PPP1R1C: variants seen among roughly 807,000 people sequenced by gnomAD.
The protein encoded by PPP1R1C is protein phosphatase 1 regulatory inhibitor subunit 1C, also known as protein phosphatase 1 regulatory subunit 1C.
In PPP1R1C, 15 loss-of-function variants were observed where a neutral mutation model predicts 17.4. The observed-to-expected ratio is 0.86, with a 90% confidence interval of 0.58 to 1.33. The LOEUF (loss-of-function observed/expected upper bound fraction) is 1.33, where lower values mean the gene tolerates loss of function less well. Ranked by LOEUF, PPP1R1C falls within the 40% of genes most tolerant of loss-of-function variation. PPP1R1C has a pLI of 0.00. For synonymous variants in PPP1R1C, 35 were observed against 43.1 expected (o/e 0.81, Z 0.73); for missense variants, 143 against 130.0 (o/e 1.10, Z -0.48).
chr2:182,091,315 T>C (rs147272194), intron 4 of PPP1R1C, among the ~76,000 whole-genome samples: 24 of 152,238 alleles, frequency 1.6e-4, no homozygotes, highest in Non-Finnish European at 2.8e-4. Flanking sequence ...GATGAAATAT[T>C]AAAATGTAAG....
chr2:182,024,250 T>C lies in PPP1R1C; in HGVS notation c.142+36351T>C, dbSNP rs948278027. On this transcript the variant is annotated intron_variant, in intron 2 of 4. Coordinates refer to ENST00000682840, the MANE Select transcript of PPP1R1C (RefSeq NM_001080545.3). ...GTGATACAAACAGTATTTGTGAGTG[T>C]ATATCAATCCTTAGAATTAAGGTTA... 1.1e-3 allele frequency among the ~76,000 whole-genome samples: 162 copies of C among 152,204 alleles called. 15 individuals carry two copies. The highest frequency in any genetic ancestry group is 1.9e-4 in the Non-Finnish European group (13 of 68,024).
At chr2:182,076,503 G>A (rs571169429) in intron 4 of PPP1R1C, among the ~76,000 whole-genome samples, 1 of 151,764 alleles carries the variant, frequency 6.6e-6, no homozygotes, top group Middle Eastern at 3.4e-3. Context: ...AATAATATAT[G>A]TAAAAATCAG....
At chr2:181,974,511 C>G (rs939984411) in intron 1 of PPP1R1C, among the ~76,000 whole-genome samples, 2 of 152,178 alleles carry the variant, frequency 1.3e-5, no homozygotes, top group Admixed American at 1.3e-4. Flanking sequence ...TGTGATCATA[C>G]TCCCTTGCAC....
intron 2 of PPP1R1C, among the ~76,000 whole-genome samples, chr2:182,053,690 A>G (rs1214625743): frequency 6.6e-6 from 1 of 152,018 alleles, no homozygotes; most frequent in Non-Finnish European, 1.5e-5. Context: ...CTTCACTTAT[A>G]AAACATTTTC....
intron 2 of PPP1R1C, among the ~76,000 whole-genome samples, chr2:182,049,543 G>C (rs1687447545): frequency 6.6e-6 from 1 of 151,938 alleles, no homozygotes; most frequent in African/African-American, 2.4e-5. Flanking sequence ...GCTGCAAACT[G>C]GGATACTATT....
chr2:182,049,329 T>G (rs1687438411), intron 2 of PPP1R1C, among the ~76,000 whole-genome samples: 1 of 109,150 alleles, frequency 9.2e-6, no homozygotes, highest in Non-Finnish European at 1.8e-5. Context: ...TGAGATTCCA[T>G]CTCAAAAAAA....
At chr2:182,116,809 C>T (rs901936811) in intron 4 of PPP1R1C, among the ~76,000 whole-genome samples, 1 of 152,152 alleles carries the variant, frequency 6.6e-6, no homozygotes, top group Admixed American at 6.6e-5. Flanking sequence ...AAATGGCACG[C>T]ACACCCTTTT....
intron 2 of PPP1R1C, among the ~76,000 whole-genome samples, chr2:182,008,365 C>A (rs1350872647): frequency 1.3e-5 from 2 of 151,580 alleles, no homozygotes; most frequent in Admixed American, 6.6e-5. Flanking sequence ...TAAAAAAAAA[C>A]AGAAAATGGA....
chr2:182,115,703 G>A (rs867969914), intron 4 of PPP1R1C, among the ~76,000 whole-genome samples: 6 of 152,248 alleles, frequency 3.9e-5, no homozygotes, highest in South Asian at 4.1e-4. Context: ...TAAGTTTTCA[G>A]ATGAAATTAA....
intron 2 of PPP1R1C, among the ~76,000 whole-genome samples, chr2:182,025,998 A>T (rs1431892100): frequency 7.3e-6 from 1 of 136,802 alleles, no homozygotes; most frequent in Non-Finnish European, 1.6e-5. Flanking sequence ...TTGGCTGCAT[A>T]AATGTCTTCT....
At chr2:181,998,487 A>G (rs1225706242) in intron 2 of PPP1R1C, among the ~76,000 whole-genome samples, 1 of 152,190 alleles carries the variant, frequency 6.6e-6, no homozygotes, top group Non-Finnish European at 1.5e-5. Context: ...CATAATATAC[A>G]CATCATTCTC....
rs1687036953 is a variant in PPP1R1C at position 182,037,178 on chromosome 2, CAAAA to C, written c.143-24261_143-24258del. Among the ~76,000 whole-genome samples, 3 of 152,172 alleles carry C rather than the reference CAAAA, an allele frequency of 2.0e-5. No individual in the cohort carries two copies. The South Asian group carries it at 6.2e-4, about 32-fold the overall frequency. ...ATATTAGATTAAAAACAAAAACAAACAAAAAAGGCAGAGGTTGTTGACTCATATT... is the reference window on the plus strand; with the variant it reads ...ATATTAGATTAAAAACAAAAACAAACAAGGCAGAGGTTGTTGACTCATATT... On this transcript the variant is annotated intron_variant, in intron 2 of 4. Transcript: ENST00000682840.
At chr2:182,076,737 T>C (rs1369556827) in intron 4 of PPP1R1C, among the ~76,000 whole-genome samples, 1 of 152,218 alleles carries the variant, frequency 6.6e-6, no homozygotes, top group Non-Finnish European at 1.5e-5. Context: ...CAATTATGTA[T>C]GGCTGTAGTA....
At chr2:182,115,907 T>G (rs1482920842) in intron 4 of PPP1R1C, among the ~76,000 whole-genome samples, 2 of 152,142 alleles carry the variant, frequency 1.3e-5, no homozygotes, top group African/African-American at 2.4e-5. Flanking sequence ...TACTAGAGTG[T>G]TTTTTAGTAA....
intron 2 of PPP1R1C, among the ~76,000 whole-genome samples, chr2:182,034,164 A>C (rs1686930437): frequency 6.6e-6 from 1 of 152,216 alleles, no homozygotes; most frequent in Non-Finnish European, 1.5e-5. Context: ...TGCCCTATTC[A>C]GAATAGAGGC....
intron 4 of PPP1R1C, among the ~76,000 whole-genome samples, chr2:182,070,844 G>T (rs555734869): frequency 6.6e-6 from 1 of 152,200 alleles, no homozygotes; most frequent in African/African-American, 2.4e-5. Flanking sequence ...ATGGCAGAAG[G>T]TGAAGGGGGA....
intron 2 of PPP1R1C, among the ~76,000 whole-genome samples, chr2:182,044,037 C>T (rs899110161): frequency 3.3e-5 from 5 of 152,198 alleles, no homozygotes; most frequent in Admixed American, 1.3e-4. Flanking sequence ...CCCCCACCCT[C>T]ACCTATGTCG....
At chr2:182,107,507 A>C (rs2125231973) in intron 4 of PPP1R1C, among the ~76,000 whole-genome samples, 1 of 152,330 alleles carries the variant, frequency 6.6e-6, no homozygotes, top group Non-Finnish European at 1.5e-5. Context: ...TAGAGACGGA[A>C]CGAAAAACAA....
chr2:181,978,231 C>T (rs138641902), intron 2 of PPP1R1C, among the ~76,000 whole-genome samples: 10 of 152,310 alleles, frequency 6.6e-5, no homozygotes, highest in Non-Finnish European at 1.5e-4. Flanking sequence ...GCCCTTAACA[C>T]ATGGGGATTA....
Sources: allele counts gnomAD v4.1 joint callset (sites outside exome capture counted in the v4.1 genomes callset), GRCh38; gene constraint gnomAD v4.1.1; transcripts MANE v1.5; gene names NCBI Gene and HGNC (gene_info 2026-07-23, HGNC 2026-07-21).